Variants in UBE3D observed in about 807,000 individuals in gnomAD.
The protein encoded by UBE3D is ubiquitin protein ligase E3D, also known as E3 ubiquitin-protein ligase E3D.
Under a neutral mutation model 49.6 loss-of-function variants are expected in UBE3D, and 48 were observed. That is an observed-to-expected ratio of 0.97 (90% CI 0.77 to 1.23). UBE3D has a LOEUF of 1.23. Ranked by LOEUF, UBE3D falls within the 50% of genes most tolerant of loss-of-function variation. The pLI, the probability that UBE3D is intolerant of heterozygous loss-of-function variation, is 0.00. For missense variants in UBE3D, 452 were observed against 468.4 expected (o/e 0.96, Z 0.32); for synonymous variants, 189 against 174.2 (o/e 1.08, Z -0.67).
At chr6:82,900,584 C>T (rs73475763) in intron 9 of UBE3D, among the ~76,000 whole-genome samples, 1,867 of 152,226 alleles carry the variant, frequency 0.012, 31 homozygotes, top group African/African-American at 0.041. Flanking sequence ...TTCATGCAGA[C>T]AAAACGCTTT....
intron 5 of UBE3D, among the ~76,000 whole-genome samples, chr6:83,030,052 T>C (rs1250390204): frequency 6.6e-6 from 1 of 152,176 alleles, no homozygotes; most frequent in East Asian, 1.9e-4. Flanking sequence ...AAAATACATA[T>C]AATAGATACT....
At chr6:82,902,078 T>C (rs159056) in intron 9 of UBE3D, among the ~76,000 whole-genome samples, 9,390 of 152,120 alleles carry the variant, frequency 0.062, 971 homozygotes, top group African/African-American at 0.22. Flanking sequence ...TCCACATGGG[T>C]CTCCAGCAAA....
chr6:83,034,278 T>C (rs574846714), intron 5 of UBE3D, among the ~76,000 whole-genome samples: 90 of 152,238 alleles, frequency 5.9e-4, no homozygotes, highest in Non-Finnish European at 6.8e-4. Flanking sequence ...TTTTGTATCA[T>C]ACTACAATGT....
At chr6:82,996,773 T>C (rs1341796670) in intron 8 of UBE3D, among the ~76,000 whole-genome samples, 2 of 152,122 alleles carry the variant, frequency 1.3e-5, no homozygotes, top group Non-Finnish European at 2.9e-5. Flanking sequence ...GCCTAACCAA[T>C]ACTCCTCAAA....
chr6:82,957,949 A>T (rs1776282254), intron 8 of UBE3D, among the ~76,000 whole-genome samples: 1 of 150,366 alleles, frequency 6.7e-6, no homozygotes, highest in African/African-American at 2.4e-5. Flanking sequence ...TCCTTTTGTT[A>T]AAAAAAAAAT....
chr6:82,974,783 T>TAA lies in UBE3D; in HGVS notation c.1011-17335_1011-17334dup, dbSNP rs61512311. Among the ~76,000 whole-genome samples the TAA allele has an allele frequency of 4.8e-3, 709 of 148,082 alleles. 3 individuals carry two copies. The highest frequency in any genetic ancestry group is 6.2e-3 in the South Asian group (29 of 4,706). Reference sequence around the variant, plus strand: ...TGAATTTACCAATGTTAAAAGACCTTAAAAAAAAAAAACTTGTACTCTTTT... The same window carrying TAA: ...TGAATTTACCAATGTTAAAAGACCTTAAAAAAAAAAAAAACTTGTACTCTTTT... On this transcript the variant is annotated intron_variant, in intron 8 of 9. Coordinates refer to ENST00000369747, the MANE Select transcript of UBE3D (RefSeq NM_198920.3).
intron 4 of UBE3D, 103 bp downstream of exon 4, chr6:83,044,325 T>G (rs1782874468): frequency 2.7e-6 from 3 of 1,128,394 alleles, no homozygotes; most frequent in African/African-American, 1.6e-5. Flanking sequence ...AATTTTGGCC[T>G]TTACAGCAGT....
intron 9 of UBE3D, among the ~76,000 whole-genome samples, chr6:82,944,669 T>A (rs2127759747): frequency 6.6e-6 from 1 of 152,328 alleles, no homozygotes; most frequent in Non-Finnish European, 1.5e-5. Context: ...CTTTGGTCCC[T>A]GAGTCCAGGA....
chr6:82,941,738 C>T (rs534738574), intron 9 of UBE3D, among the ~76,000 whole-genome samples: 9 of 152,206 alleles, frequency 5.9e-5, no homozygotes, highest in Non-Finnish European at 1.3e-4. Flanking sequence ...AGTGAGTTCT[C>T]ATGAGATCTG....
chr6:82,995,249 G>A (rs1779156743), intron 8 of UBE3D, among the ~76,000 whole-genome samples: 1 of 152,100 alleles, frequency 6.6e-6, no homozygotes, highest in Admixed American at 6.5e-5. Context: ...TTGCTTAACA[G>A]GTGTGTTCAT....
At chr6:82,957,515 T>G (rs1776249888) in intron 8 of UBE3D, 65 bp from the exon 9 acceptor site, 3 of 1,515,834 alleles carry the variant, frequency 2.0e-6, no homozygotes, top group Non-Finnish European at 2.7e-6. Flanking sequence ...AAATCTGATA[T>G]GAAAGAAGAA....
At chr6:82,983,584 A>G (rs1778260664) in intron 8 of UBE3D, among the ~76,000 whole-genome samples, 1 of 152,102 alleles carries the variant, frequency 6.6e-6, no homozygotes, top group South Asian at 2.1e-4. Context: ...GCTCATTTTA[A>G]TATTTCTATT....
At chr6:82,883,726 T>C in the UBE3D span, among the ~76,000 whole-genome samples, 2 of 152,280 alleles carry the variant, frequency 1.3e-5, no homozygotes, top group African/African-American at 2.4e-5. Flanking sequence ...CAATCTAATA[T>C]ACTTTCACCA....
chr6:82,925,382 G>A (rs1429598158), intron 9 of UBE3D, among the ~76,000 whole-genome samples: 1 of 152,190 alleles, frequency 6.6e-6, no homozygotes, highest in Non-Finnish European at 1.5e-5. Flanking sequence ...TTACTGACCC[G>A]ACTTCTTTAA....
At chr6:82,983,780 A>C (rs531312907) in intron 8 of UBE3D, among the ~76,000 whole-genome samples, 1 of 152,274 alleles carries the variant, frequency 6.6e-6, no homozygotes, top group African/African-American at 2.4e-5. Flanking sequence ...TATGATTATG[A>C]AAAAAGTTTT....
intron 9 of UBE3D, among the ~76,000 whole-genome samples, chr6:82,941,750 T>C (rs1775031671): frequency 6.6e-6 from 1 of 152,132 alleles, no homozygotes; most frequent in Non-Finnish European, 1.5e-5. Context: ...TGAGATCTGA[T>C]AGTTTTATAA....
chr6:82,881,971 A>G, the UBE3D span, among the ~76,000 whole-genome samples: 3 of 152,174 alleles, frequency 2.0e-5, no homozygotes, highest in Non-Finnish European at 1.5e-5. Flanking sequence ...ATTATTTACC[A>G]TTCCACGAAC....
At chr6:83,063,635 C>T (rs905575362) in intron 1 of UBE3D, among the ~76,000 whole-genome samples, 3 of 152,024 alleles carry the variant, frequency 2.0e-5, no homozygotes, top group Non-Finnish European at 4.4e-5. Flanking sequence ...AGTGAAAAGG[C>T]ACTCAACATT....
chr6:82,953,688 TC>T (rs1371493390), intron 9 of UBE3D, among the ~76,000 whole-genome samples: 1 of 152,198 alleles, frequency 6.6e-6, no homozygotes, highest in Non-Finnish European at 1.5e-5. Flanking sequence ...TATACTAAGT[TC>T]TGTTGGCACA....
Sources: gnomAD v4.1 joint callset for allele counts (sites outside exome capture counted in the v4.1 genomes callset) on GRCh38, gnomAD v4.1.1 for gene constraint, MANE v1.5 for transcripts, NCBI Gene and HGNC (gene_info 2026-07-23, HGNC 2026-07-21) for gene names.